KCNIP4: variants seen among roughly 807,000 people sequenced by gnomAD.
KCNIP4 encodes potassium voltage-gated channel interacting protein 4.
In KCNIP4, 12 loss-of-function variants were observed where a neutral mutation model predicts 34.0. That is an observed-to-expected ratio of 0.35 (90% CI 0.23 to 0.57). The LOEUF is 0.57. Ranked by LOEUF, KCNIP4 falls within the 20% of genes least tolerant of loss-of-function variation. The pLI is 0.83. For missense variants in KCNIP4, 238 were observed against 311.7 expected, an observed-to-expected ratio of 0.76 and a Z score of 1.78; for synonymous variants, 124 against 102.2, an observed-to-expected ratio of 1.21 and a Z score of -1.29.
chr4:20,893,508 G>A (rs1460125956), intron 1 of KCNIP4, among the ~76,000 whole-genome samples: 1 of 151,546 alleles, frequency 6.6e-6, no homozygotes, highest in African/African-American at 2.4e-5. Flanking sequence ...CTGCAGCCTC[G>A]AACTCCTGGG....
chr4:21,223,836 T>C (rs1408152559), intron 1 of KCNIP4, among the ~76,000 whole-genome samples: 3 of 152,110 alleles, frequency 2.0e-5, no homozygotes, highest in African/African-American at 7.2e-5. Flanking sequence ...AATTTGACTG[T>C]TTAGTTCATC....
intron 1 of KCNIP4, among the ~76,000 whole-genome samples, chr4:21,556,060 GA>G (rs1738978858): frequency 6.6e-6 from 1 of 152,144 alleles, no homozygotes; most frequent in African/African-American, 2.4e-5. Flanking sequence ...TGACATGAAT[GA>G]ATTTTGCTTG....
intron 1 of KCNIP4, among the ~76,000 whole-genome samples, chr4:21,552,599 G>A (rs1003959054): frequency 1.3e-5 from 2 of 152,100 alleles, no homozygotes; most frequent in African/African-American, 4.8e-5. Flanking sequence ...TACCCATAAA[G>A]TTTGAAAATG....
chr4:21,670,315 G>C (rs926151348), intron 1 of KCNIP4, among the ~76,000 whole-genome samples: 1 of 149,852 alleles, frequency 6.7e-6, no homozygotes. Context: ...GTAAACTATC[G>C]CAAGAACAAA....
intron 1 of KCNIP4, among the ~76,000 whole-genome samples, chr4:21,266,164 A>T (rs910959171): frequency 7.2e-5 from 11 of 152,224 alleles, no homozygotes. Flanking sequence ...CCACACTGAT[A>T]ACATCTGTGG....
At chr4:21,659,054 T>C (rs1748212730) in intron 1 of KCNIP4, among the ~76,000 whole-genome samples, 2 of 152,196 alleles carry the variant, frequency 1.3e-5, no homozygotes, top group African/African-American at 2.4e-5. Context: ...AAGTAGACCA[T>C]TGATTATTAG....
chr4:21,509,469 A>C (rs1734121494), intron 1 of KCNIP4, among the ~76,000 whole-genome samples: 1 of 152,188 alleles, frequency 6.6e-6, no homozygotes, highest in Non-Finnish European at 1.5e-5. Context: ...AACAAAGATT[A>C]ACATTTATCA....
intron 1 of KCNIP4, among the ~76,000 whole-genome samples, chr4:21,580,590 A>G (rs1000015802): frequency 6.6e-6 from 1 of 152,062 alleles, no homozygotes; most frequent in African/African-American, 2.4e-5. Context: ...CCTTTATGTG[A>G]TTATCCAAAA....
chr4:21,362,822 C>A (rs911840999), intron 1 of KCNIP4, among the ~76,000 whole-genome samples: 1 of 152,038 alleles, frequency 6.6e-6, no homozygotes, highest in Non-Finnish European at 1.5e-5. Flanking sequence ...ACTAGGTAGC[C>A]CTTATCCCGC....
chr4:21,729,257 TCCTA>T (rs1336976956), intron 1 of KCNIP4, among the ~76,000 whole-genome samples: 1 of 152,134 alleles, frequency 6.6e-6, no homozygotes, highest in Non-Finnish European at 1.5e-5. Context: ...ACCAACAATA[TCCTA>T]CTAGACACAG....
intron 1 of KCNIP4, among the ~76,000 whole-genome samples, chr4:21,716,491 C>A (rs1277775470): frequency 6.6e-6 from 1 of 152,044 alleles, no homozygotes; most frequent in African/African-American, 2.4e-5. Flanking sequence ...CCCACCTTGA[C>A]CTCCCAAAGT....
At chr4:20,746,472 G>A (rs1351065520) in intron 5 of KCNIP4, among the ~76,000 whole-genome samples, 1 of 151,822 alleles carries the variant, frequency 6.6e-6, no homozygotes, top group Non-Finnish European at 1.5e-5. Flanking sequence ...GTATACCTAT[G>A]TGACAAAAAT....
intron 1 of KCNIP4, among the ~76,000 whole-genome samples, chr4:21,836,185 T>C (rs1723307579): frequency 6.6e-6 from 1 of 152,196 alleles, no homozygotes; most frequent in Non-Finnish European, 1.5e-5. Context: ...GTTTAAGTGG[T>C]AGATCATTGG....
intron 1 of KCNIP4, among the ~76,000 whole-genome samples, chr4:21,791,894 C>T (rs189787888): frequency 8.5e-4 from 126 of 147,484 alleles, no homozygotes; most frequent in Middle Eastern, 3.5e-3. Context: ...CCCAGCTACT[C>T]GGGAGGCTGA....
intron 1 of KCNIP4, among the ~76,000 whole-genome samples, chr4:21,234,278 A>ATATATAACATATATTT (rs1759128315): frequency 8.8e-6 from 1 of 113,888 alleles, no homozygotes; most frequent in Non-Finnish European, 1.6e-5. Flanking sequence ...AACATATATT[A>ATATATAACATATATTT]TATATAACAT....
chr4:21,081,586 G>A (rs1746011352), intron 1 of KCNIP4, among the ~76,000 whole-genome samples: 2 of 151,744 alleles, frequency 1.3e-5, no homozygotes, highest in South Asian at 4.1e-4. Context: ...TCTAAACTAT[G>A]CAATCATTTA....
intron 1 of KCNIP4, among the ~76,000 whole-genome samples, chr4:21,670,022 C>A (rs1749348885): frequency 6.6e-6 from 1 of 152,054 alleles, no homozygotes; most frequent in Admixed American, 6.6e-5. Context: ...ATTTTCTAAT[C>A]TTCCATAAGC....
chr4:21,643,809 T>C (rs1746795776), intron 1 of KCNIP4, among the ~76,000 whole-genome samples: 1 of 151,806 alleles, frequency 6.6e-6, no homozygotes, highest in Admixed American at 6.6e-5. Flanking sequence ...CATAATTATG[T>C]GAGCCAATTG....
At chr4:21,290,481 C>G (rs1191574466) in intron 1 of KCNIP4, among the ~76,000 whole-genome samples, 1 of 152,152 alleles carries the variant, frequency 6.6e-6, no homozygotes, top group Non-Finnish European at 1.5e-5. Flanking sequence ...TGTGTATATA[C>G]CAACCTCCCG....
Sources: allele counts gnomAD v4.1 joint callset (sites outside exome capture counted in the v4.1 genomes callset), GRCh38; gene constraint gnomAD v4.1.1; transcripts MANE v1.5; gene names NCBI Gene and HGNC (gene_info 2026-07-23, HGNC 2026-07-21).